The following ARHGEF26 variants were observed in gnomAD, a reference collection of about 807,000 sequenced individuals.
The protein encoded by ARHGEF26 is Rho guanine nucleotide exchange factor 26, also known as Rho guanine nucleotide exchange factor (GEF) 26.
A neutral mutation model predicts 89.4 loss-of-function variants in ARHGEF26; 59 were observed. The ratio of observed to expected loss-of-function variants is 0.66; its 90% confidence interval spans 0.54 to 0.82. ARHGEF26 has a LOEUF of 0.82. ARHGEF26 is among the 40% of genes least tolerant of loss of function. The pLI is 0.00. For missense variants in ARHGEF26, 1,234 were observed against 1,085.6 expected (o/e 1.14, Z -1.92); for synonymous variants, 500 against 428.4 (o/e 1.17, Z -2.06).
Position 154,217,785 on chromosome 3 carries a change from A to G in ARHGEF26, c.1846-84A>G. On this transcript the variant is annotated intron_variant, in intron 9 of 14. Coordinates refer to ENST00000465093, the MANE Select transcript of ARHGEF26 (RefSeq NM_015595.4). ...GAATCTCTAGGGCTTCCCAAGTGGTAATTATTTCCTGTGAGAGTTCTGCTT... is the reference window on the plus strand; with the variant it reads ...GAATCTCTAGGGCTTCCCAAGTGGTGATTATTTCCTGTGAGAGTTCTGCTT... 3 of 1,033,588 alleles carry G rather than the reference A, an allele frequency of 2.9e-6. No individual in the cohort carries two copies. The South Asian group carries it at 4.2e-5, about 14-fold the overall frequency. 64.0% of individuals were successfully genotyped at this position (1,033,588 alleles called of 1,614,324 possible). A position where few individuals can be genotyped will look rare whatever the true frequency, so the allele number is the denominator to read the frequency against.
chr3:154,137,813 T>TA (rs35590555), intron 4 of ARHGEF26, among the ~76,000 whole-genome samples: 125,737 of 139,370 alleles, frequency 0.9, 56,750 homozygotes, highest in East Asian at 0.99. Context: ...CCCTATCTCT[T>TA]AAAAAAAAAA....
At chr3:154,162,127 G>C (rs977761936) in intron 6 of ARHGEF26, among the ~76,000 whole-genome samples, 18 of 152,096 alleles carry the variant, frequency 1.2e-4, no homozygotes, top group African/African-American at 4.1e-4. Context: ...ACTGGGGTTT[G>C]GTTGCAGTGT....
intron 6 of ARHGEF26, among the ~76,000 whole-genome samples, chr3:154,179,659 T>C (rs1713061205): frequency 6.6e-6 from 1 of 152,090 alleles, no homozygotes; most frequent in South Asian, 2.1e-4. Flanking sequence ...ACTGAAAGAA[T>C]GGGTAGGGAA....
chr3:154,128,752 C>T (rs879564884), intron 3 of ARHGEF26, among the ~76,000 whole-genome samples: 6 of 152,120 alleles, frequency 3.9e-5, no homozygotes, highest in Admixed American at 1.3e-4. Context: ...ATACAGGTGG[C>T]TCACTTTCTC....
chr3:154,222,469 CACTTACCTTT>C (rs1285547468), intron 10 of ARHGEF26, among the ~76,000 whole-genome samples: 1 of 152,154 alleles, frequency 6.6e-6, no homozygotes, highest in African/African-American at 2.4e-5. Flanking sequence ...CCTTGGGCAT[CACTTACCTTT>C]TCATGTCTTG....
chr3:154,187,970 G>A (rs1422197409), intron 7 of ARHGEF26, 133 bp downstream of exon 7: 2 of 905,292 alleles, frequency 2.2e-6, no homozygotes, highest in African/African-American at 1.7e-5. Context: ...GAGGAGAAAT[G>A]TTTAAGAGCA....
At chr3:154,179,526 CCT>C (rs1306995408) in intron 6 of ARHGEF26, among the ~76,000 whole-genome samples, 1 of 144,890 alleles carries the variant, frequency 6.9e-6, no homozygotes, top group Non-Finnish European at 1.6e-5. Context: ...AGAGGGCTAG[CCT>C]CTCTGAGAAC....
rs560332501 is a variant in ARHGEF26, at chr3:154,166,015, T to A, written c.1487+13083T>A. On this transcript the variant is annotated intron_variant, in intron 6 of 14. Transcript: ENST00000465093. ...TGGTTTGAAAAAATCTAGCTGTACA[T>A]GTTGCTACAGTATTTATTTATATCT... Among the ~76,000 whole-genome samples the A allele has an allele frequency of 2.4e-4, 36 of 152,268 alleles. 1 individual carries two copies. Among genetic ancestry groups the A allele is most frequent in the African/African-American group, 8.4e-4 (35 of 41,568 alleles).
At chr3:154,158,190 C>T (rs1026983446) in intron 6 of ARHGEF26, among the ~76,000 whole-genome samples, 3 of 152,016 alleles carry the variant, frequency 2.0e-5, no homozygotes, top group East Asian at 1.9e-4. Flanking sequence ...AAAAAGAAGA[C>T]GAATGTCAGA....
chr3:154,228,771 A>G (rs903345317), intron 11 of ARHGEF26, among the ~76,000 whole-genome samples: 3 of 152,318 alleles, frequency 2.0e-5, no homozygotes, highest in Admixed American at 6.5e-5. Context: ...GCCAGAGGCA[A>G]CAGTAAAGGA....
chr3:154,131,272 A>G (rs1718670098), intron 4 of ARHGEF26, among the ~76,000 whole-genome samples: 1 of 152,160 alleles, frequency 6.6e-6, no homozygotes, highest in Non-Finnish European at 1.5e-5. Flanking sequence ...GTGTGACCAG[A>G]TGTTCTGATA....
chr3:154,229,978 G>C (rs1022763865), intron 11 of ARHGEF26, among the ~76,000 whole-genome samples: 1 of 152,154 alleles, frequency 6.6e-6, no homozygotes, highest in Non-Finnish European at 1.5e-5. Context: ...ATTACAGACT[G>C]TACCTTCATG....
chr3:154,126,365 A>G (rs998196686), intron 3 of ARHGEF26, among the ~76,000 whole-genome samples: 5 of 152,036 alleles, frequency 3.3e-5, no homozygotes, highest in Admixed American at 6.6e-5. Context: ...CCCATCTCCT[A>G]CTTTCTGGTT....
chr3:154,247,134 GT>G (rs1717846989), intron 12 of ARHGEF26, among the ~76,000 whole-genome samples: 1 of 151,872 alleles, frequency 6.6e-6, no homozygotes, highest in African/African-American at 2.4e-5. Context: ...TTGAGATTAT[GT>G]TTTTCTCAGC....
At chr3:154,204,337 T>TC (rs1714866687) in intron 9 of ARHGEF26, among the ~76,000 whole-genome samples, 1 of 143,506 alleles carries the variant, frequency 7.0e-6, no homozygotes, top group Non-Finnish European at 1.5e-5. Context: ...CTTTTCCTTT[T>TC]TTTTTTTTTT....
chr3:154,199,828 T>G (rs774432390), intron 9 of ARHGEF26, among the ~76,000 whole-genome samples: 12 of 152,190 alleles, frequency 7.9e-5, no homozygotes, highest in Non-Finnish European at 7.3e-5. Flanking sequence ...ATGTTGACCT[T>G]TTCATATGCC....
intron 2 of ARHGEF26, among the ~76,000 whole-genome samples, chr3:154,123,802 A>G (rs1450561735): frequency 6.6e-6 from 1 of 152,178 alleles, no homozygotes; most frequent in Non-Finnish European, 1.5e-5. Context: ...TTGTCCCATT[A>G]GCTGCACTTA....
intron 9 of ARHGEF26, among the ~76,000 whole-genome samples, chr3:154,214,427 A>C (rs1332653971): frequency 6.6e-6 from 1 of 152,132 alleles, no homozygotes; most frequent in Non-Finnish European, 1.5e-5. Context: ...CAGCATCATT[A>C]AGGAGACTTG....
intron 6 of ARHGEF26, among the ~76,000 whole-genome samples, chr3:154,183,068 C>A (rs2108166197): frequency 6.6e-6 from 1 of 152,246 alleles, no homozygotes; most frequent in South Asian, 2.1e-4. Context: ...GGGAGGTGGA[C>A]CTTATATGTT....
Sources: gnomAD v4.1 joint callset for allele counts (sites outside exome capture counted in the v4.1 genomes callset) on GRCh38, gnomAD v4.1.1 for gene constraint, MANE v1.5 for transcripts, NCBI Gene and HGNC (gene_info 2026-07-23, HGNC 2026-07-21) for gene names.